The following PTPN13 variants were observed in gnomAD, a reference collection of about 807,000 sequenced individuals.
PTPN13 encodes protein tyrosine phosphatase non-receptor type 13.
Under a neutral mutation model 284.0 loss-of-function variants are expected in PTPN13, and 191 were observed. The observed-to-expected ratio is 0.67, with a 90% CI of 0.60 to 0.76. The LOEUF is 0.76. Ranked by LOEUF, PTPN13 falls within the 30% of genes least tolerant of loss-of-function variation. The pLI, the probability that PTPN13 is intolerant of heterozygous loss-of-function variation, is 0.00. For missense variants in PTPN13, 2,797 were observed against 2,939.9 expected, an observed-to-expected ratio of 0.95 and a Z score of 1.12; for synonymous variants, 986 against 1,022.3, an observed-to-expected ratio of 0.96 and a Z score of 0.68.
At chr4:86,775,046 CTG>C (rs1418706010) in intron 33 of PTPN13, 123 bp from the exon 34 acceptor site, 4 of 623,800 alleles carry the variant, frequency 6.4e-6, no homozygotes, top group Non-Finnish European at 7.8e-6. Flanking sequence ...TTAGAGATCA[CTG>C]TTGTGAATCT....
At chr4:86,781,090 T>C (rs1342688542) in intron 36 of PTPN13, among the ~76,000 whole-genome samples, 1 of 152,162 alleles carries the variant, frequency 6.6e-6, no homozygotes, top group Admixed American at 6.5e-5. Context: ...TTTAATAATA[T>C]TTTTCTTGCA....
chr4:86,759,539 T>G (rs2149237955), intron 23 of PTPN13, among the ~76,000 whole-genome samples: 1 of 152,322 alleles, frequency 6.6e-6, no homozygotes, highest in South Asian at 2.1e-4. Flanking sequence ...TTGCCCTGCT[T>G]TGTCTGCCTT....
At chr4:86,809,725 A>G (rs188615207) in intron 45 of PTPN13, 44 bp from the exon 46 acceptor site, 3 of 1,523,246 alleles carry the variant, frequency 2.0e-6, no homozygotes, top group East Asian at 2.3e-5. Context: ...GTATGTGAAC[A>G]ATATAACATG....
At chr4:86,795,298 T>TCA (rs1480386129) in intron 40 of PTPN13, among the ~76,000 whole-genome samples, 11 of 152,238 alleles carry the variant, frequency 7.2e-5, no homozygotes, top group South Asian at 4.1e-4. Context: ...ATGCTCATCA[T>TCA]CACTGGTCAT....
intron 2 of PTPN13, among the ~76,000 whole-genome samples, chr4:86,637,146 G>C (rs1723118812): frequency 6.6e-6 from 1 of 152,040 alleles, no homozygotes; most frequent in Non-Finnish European, 1.5e-5. Context: ...TTGAATCTCT[G>C]AATAGACCAA....
At position 86,792,643 on chromosome 4, in the gene PTPN13, C is replaced by T. The variant is rs1051463986; in HGVS notation, c.6346-4231C>T. ...AGGTTGCCCACAAAGGGAAGCCCAT[C>T]AGAATAACAGCGATCTCTCAGCAGA... is the stretch of plus-strand genomic sequence containing the variant. On this transcript the variant is annotated intron_variant, in intron 40 of 47. Transcript: ENST00000411767. Among the ~76,000 whole-genome samples the T allele has an allele frequency of 5.0e-4, 76 of 152,154 alleles. 2 individuals are homozygous for T. The highest frequency in any genetic ancestry group is 2.1e-4 in the South Asian group (1 of 4,824).
intron 2 of PTPN13, among the ~76,000 whole-genome samples, chr4:86,641,130 T>C (rs561473336): frequency 6.6e-6 from 1 of 152,334 alleles, no homozygotes; most frequent in Non-Finnish European, 1.5e-5. Context: ...TATCTTTTTG[T>C]CCCAAGTTCT....
chr4:86,775,701 C>G (rs781288898), intron 35 of PTPN13, 49 bp downstream of exon 35: 1 of 1,364,130 alleles, frequency 7.3e-7, no homozygotes, highest in Non-Finnish European at 1.0e-6. Context: ...GTGTGCATTT[C>G]AGGTCATTGA....
At chr4:86,713,278 CT>C (rs1199304719) in intron 7 of PTPN13, among the ~76,000 whole-genome samples, 4 of 152,092 alleles carry the variant, frequency 2.6e-5, no homozygotes, top group Admixed American at 6.6e-5. Context: ...GGAAAAGTCC[CT>C]TAAAAATTTA....
Position 86,771,169 on chromosome 4 carries a change from A to G in PTPN13, c.4804-2A>G. On this transcript the variant is annotated splice_acceptor_variant, in intron 30 of 47. Transcript: ENST00000411767. LOFTEE classifies it high-confidence loss of function. ...AAATCTCTTTAAATGTGTCCATTAC[A>G]GACCCCACTTCAGTCTCCAGCACAA... 8.7e-6 allele frequency: 14 copies of G among 1,605,278 alleles called. No individual in the cohort carries two copies. The highest frequency in any genetic ancestry group is 1.3e-5 in the African/African-American group (1 of 74,914).
chr4:86,654,005 T>C (rs1371172135), intron 2 of PTPN13, among the ~76,000 whole-genome samples: 1 of 152,174 alleles, frequency 6.6e-6, no homozygotes, highest in Non-Finnish European at 1.5e-5. Context: ...AAGATAGCTC[T>C]TATCACATTT....
chr4:86,611,201 C>A (rs989172229), intron 1 of PTPN13, among the ~76,000 whole-genome samples: 2 of 152,224 alleles, frequency 1.3e-5, no homozygotes, highest in Admixed American at 1.3e-4. Flanking sequence ...TGTAGAAAGT[C>A]AATCACTTTG....
chr4:86,717,356 T>G (rs542323408), intron 9 of PTPN13, among the ~76,000 whole-genome samples: 1 of 152,138 alleles, frequency 6.6e-6, no homozygotes, highest in South Asian at 2.1e-4. Context: ...GCCTGGCTAA[T>G]TTTTGAATTT....
rs1356467340 is a variant in PTPN13, at chr4:86,728,500, G to A, written c.1609-3900G>A. On this transcript the variant is annotated intron_variant, in intron 10 of 47. Coordinates refer to ENST00000411767, the MANE Select transcript of PTPN13 (RefSeq NM_080683.3). ...TTCCTTTATGAATCTGGGTGCTCCT[G>A]TATTGGGTGCATATATATTTAGGAT... is the stretch of plus-strand genomic sequence containing the variant. Among the ~76,000 whole-genome samples, 4 of 148,302 alleles carry A rather than the reference G, an allele frequency of 2.7e-5. 1 individual carries two copies. Among genetic ancestry groups the A allele is most frequent in the Non-Finnish European group, 6.0e-5 (4 of 66,218 alleles).
chr4:86,629,556 T>C (rs995812953), intron 1 of PTPN13, among the ~76,000 whole-genome samples: 17 of 152,192 alleles, frequency 1.1e-4, no homozygotes, highest in Admixed American at 3.3e-4. Flanking sequence ...GATGTTTAAT[T>C]TTGATGAATT....
At chr4:86,760,863 G>A (rs1161424937) in intron 23 of PTPN13, among the ~76,000 whole-genome samples, 1 of 151,918 alleles carries the variant, frequency 6.6e-6, no homozygotes, top group African/African-American at 2.4e-5. Context: ...TTGAAAAGAG[G>A]TAAAACCCAA....
intron 20 of PTPN13, among the ~76,000 whole-genome samples, chr4:86,757,635 G>A (rs1003340747): frequency 3.3e-5 from 5 of 151,748 alleles, no homozygotes. Context: ...ATGTTGGCAC[G>A]TGCCTGTCGT....
intron 13 of PTPN13, 125 bp from the exon 14 acceptor site, chr4:86,734,612 C>T: frequency 7.8e-7 from 1 of 1,280,308 alleles, no homozygotes; most frequent in Non-Finnish European, 1.1e-6. Flanking sequence ...AATCCTTATG[C>T]CTTAAAAGCT....
At chr4:86,791,128 A>G (rs1335326271) in intron 40 of PTPN13, among the ~76,000 whole-genome samples, 1 of 152,184 alleles carries the variant, frequency 6.6e-6, no homozygotes, top group Non-Finnish European at 1.5e-5. Flanking sequence ...GAGAAATGGT[A>G]TACCCCTGAC....
Sources: allele counts gnomAD v4.1 joint callset (sites outside exome capture counted in the v4.1 genomes callset), GRCh38; gene constraint gnomAD v4.1.1; transcripts MANE v1.5; gene names NCBI Gene and HGNC (gene_info 2026-07-23, HGNC 2026-07-21).